The following EGFL6 variants were observed in gnomAD, a reference collection of about 807,000 sequenced individuals.
EGFL6 encodes the protein epidermal growth factor-like protein 6.
Under a neutral mutation model 43.1 loss-of-function variants are expected in EGFL6, and 42 were observed. The ratio of observed to expected loss-of-function variants is 0.98; its 90% CI spans 0.76 to 1.26. The LOEUF is 1.26. Among genes scored for constraint, EGFL6 ranks in the 50% most tolerant of loss-of-function variants. The pLI, the probability that EGFL6 is intolerant of heterozygous loss-of-function variation, is 0.00. For synonymous variants in EGFL6, 164 were observed against 163.2 expected (o/e 1.01, Z -0.04); for missense variants, 429 against 427.8 (o/e 1.00, Z -0.02).
intron 1 of EGFL6, among the ~76,000 whole-genome samples, chrX:13,587,559 C>T (rs1218780668): frequency 8.9e-6 from 1 of 111,822 alleles, no homozygotes; most frequent in African/African-American, 3.3e-5. Context: ...AGTCACCCTG[C>T]TGTGCTACAG....
intron 2 of EGFL6, among the ~76,000 whole-genome samples, chrX:13,592,960 G>A (rs2045573816): frequency 9.7e-6 from 1 of 103,393 alleles, no homozygotes; most frequent in Non-Finnish European, 2.0e-5. Flanking sequence ...TGTCACCCAG[G>A]CTGGAGTGCA....
chrX:13,588,095 C>A (rs893738662), intron 1 of EGFL6, among the ~76,000 whole-genome samples: 1 of 112,190 alleles, frequency 8.9e-6, no homozygotes, highest in African/African-American at 3.2e-5. Context: ...AAACCCTATT[C>A]TAAATGTTTG....
intron 1 of EGFL6, among the ~76,000 whole-genome samples, chrX:13,583,850 A>G (rs1480877454): frequency 9.0e-6 from 1 of 111,602 alleles, no homozygotes; most frequent in Non-Finnish European, 1.9e-5. Context: ...ATCCAGCACC[A>G]CTTTTAAGTG....
chrX:13,598,463 T>C (rs752497537), intron 3 of EGFL6, among the ~76,000 whole-genome samples: 1 of 111,682 alleles, frequency 9.0e-6, no homozygotes. Context: ...ATGACCACAT[T>C]TCCAAAGGCG....
At chrX:13,594,172 T>C (rs779965251) in intron 2 of EGFL6, among the ~76,000 whole-genome samples, 13 of 112,052 alleles carry the variant, frequency 1.2e-4, no homozygotes, top group Non-Finnish European at 2.1e-4. Context: ...CATCTTTGAC[T>C]GTTTGTTTTC....
chrX:13,625,697 A>T (rs888678193), intron 10 of EGFL6, among the ~76,000 whole-genome samples: 3 of 109,326 alleles, frequency 2.7e-5, no homozygotes, highest in Admixed American at 2.0e-4. Context: ...GAAAATAAAT[A>T]AATAAAAAAT....
At chrX:13,624,003 T>G (rs2045765139) in intron 10 of EGFL6, 78 bp downstream of exon 10, 3 of 793,115 alleles carry the variant, frequency 3.8e-6, no homozygotes, top group Admixed American at 2.4e-5. Context: ...GGGTTGTTAT[T>G]CCCATTACTC....
intron 3 of EGFL6, among the ~76,000 whole-genome samples, chrX:13,598,657 G>C (rs2045613809): frequency 9.2e-6 from 1 of 108,743 alleles, no homozygotes; most frequent in African/African-American, 3.3e-5. Context: ...ATAACCATTA[G>C]TCGCATTTAG....
intron 10 of EGFL6, chrX:13,625,017 T>C (rs1416572970): frequency 5.4e-5 from 6 of 111,989 alleles, no homozygotes; most frequent in Non-Finnish European, 1.1e-4. Flanking sequence ...TTTTCTTCCA[T>C]AATGGCATCT....
intron 1 of EGFL6, among the ~76,000 whole-genome samples, chrX:13,581,560 C>A (rs775594647): frequency 8.9e-6 from 1 of 112,198 alleles, no homozygotes; most frequent in Non-Finnish European, 1.9e-5. Flanking sequence ...ATTTAAACAT[C>A]GGCAAAAGAA....
chrX:13,615,446 T>G (rs1372644942), intron 7 of EGFL6, among the ~76,000 whole-genome samples: 2 of 112,074 alleles, frequency 1.8e-5, no homozygotes, highest in East Asian at 5.6e-4. Context: ...TTCCTGTTAA[T>G]TTTTCTTGCC....
At chrX:13,581,304 A>T (rs1020025912) in intron 1 of EGFL6, among the ~76,000 whole-genome samples, 2 of 112,107 alleles carry the variant, frequency 1.8e-5, no homozygotes, top group Non-Finnish European at 3.8e-5. Context: ...GCCCCTACAC[A>T]TCTGGGAAAG....
chrX:13,608,348 G>A lies in EGFL6; in HGVS notation c.680G>A (p.Ser227Asn). Residue 227 changes from serine to asparagine, a missense_variant, in exon 7 of 12, where the codon AGC (serine) becomes AAC (asparagine). Coordinates refer to ENST00000361306, the MANE Select transcript of EGFL6 (RefSeq NM_015507.4). Reference protein sequence around the residue: ...CIDINECTMDSHTCSHHANCF... With the variant: ...CIDINECTMDNHTCSHHANCF... ...GATATAAATGAATGTACTATGGATA[G>A]CCATACGTGCAGCCACCATGCCAAT... is the stretch of plus-strand genomic sequence containing the variant. The A allele has an allele frequency of 8.3e-6, 10 of 1,207,766 alleles. No individual in the cohort carries two copies. Among genetic ancestry groups the A allele is most frequent in the Non-Finnish European group, 1.1e-5 (10 of 892,883 alleles).
chrX:13,606,656 T>G (rs1247788436), intron 6 of EGFL6, 143 bp downstream of exon 6: 1 of 608,553 alleles, frequency 1.6e-6, no homozygotes, highest in Admixed American at 3.8e-5. Context: ...AAAGGTTATT[T>G]TTTTAGGTGT....
At chrX:13,608,132 A>G (rs887654773) in intron 6 of EGFL6, among the ~76,000 whole-genome samples, 192 bp from the exon 7 acceptor site, 1 of 111,719 alleles carries the variant, frequency 9.0e-6, no homozygotes, top group Non-Finnish European at 1.9e-5. Context: ...AACACTCCCT[A>G]CATACCAGGC....
chrX:13,596,007 C>T (rs2045595444), intron 3 of EGFL6, among the ~76,000 whole-genome samples: 2 of 111,457 alleles, frequency 1.8e-5, no homozygotes, highest in Non-Finnish European at 3.8e-5. Flanking sequence ...GGCTTAGCCA[C>T]CACACCTGGC....
chrX:13,594,014 G>C (rs1391827097), intron 2 of EGFL6, among the ~76,000 whole-genome samples: 2 of 111,168 alleles, frequency 1.8e-5, no homozygotes, highest in East Asian at 5.6e-4. Context: ...AAACTGCTGA[G>C]AGTCCTTGAT....
intron 5 of EGFL6, among the ~76,000 whole-genome samples, chrX:13,606,028 T>G (rs906556985): frequency 1.4e-4 from 16 of 112,090 alleles, no homozygotes; most frequent in African/African-American, 4.9e-4. Context: ...CAATATTCAC[T>G]CAGCTGGAGA....
In EGFL6 at chrX:13,599,968, C is replaced by T; in HGVS notation, c.281-7C>T. On this transcript the variant is annotated splice_polypyrimidine_tract_variant and splice_region_variant and intron_variant, in intron 3 of 11. Coordinates refer to ENST00000361306, the MANE Select transcript of EGFL6 (RefSeq NM_015507.4). Reference sequence around the variant, plus strand: ...CACCTTTCCCTGTTTTCTAAATGTCCCTGCAGATGTGAATGAGTGTGGAAT... The same window carrying T: ...CACCTTTCCCTGTTTTCTAAATGTCTCTGCAGATGTGAATGAGTGTGGAAT... 1 of 1,208,219 alleles carries T rather than the reference C, an allele frequency of 8.3e-7. No individual in the cohort carries two copies. Among genetic ancestry groups the T allele is most frequent in the Non-Finnish European group, 1.1e-6 (1 of 893,633 alleles).
Sources: allele counts gnomAD v4.1 joint callset (sites outside exome capture counted in the v4.1 genomes callset), GRCh38; gene constraint gnomAD v4.1.1; transcripts MANE v1.5; gene names NCBI Gene and HGNC (gene_info 2026-07-23, HGNC 2026-07-21).